Variants in DIAPH1 observed in about 807,000 individuals in gnomAD.
DIAPH1 encodes the protein diaphanous related formin 1.
Under a neutral mutation model 140.7 loss-of-function variants are expected in DIAPH1, and 46 were observed. The ratio of observed to expected loss-of-function variants is 0.33; its 90% CI spans 0.26 to 0.42. DIAPH1 has a LOEUF of 0.42. Among genes scored for constraint, DIAPH1 ranks in the 10% least tolerant of loss-of-function variants. DIAPH1 has a pLI of 1.00. For synonymous variants in DIAPH1, 565 were observed against 551.6 expected (o/e 1.02, Z -0.34); for missense variants, 1,310 against 1,558.7 (o/e 0.84, Z 2.69).
At chr5:141,556,493 T>G (rs551225148) in intron 18 of DIAPH1, among the ~76,000 whole-genome samples, 1 of 152,102 alleles carries the variant, frequency 6.6e-6, no homozygotes, top group Non-Finnish European at 1.5e-5. Flanking sequence ...TCTCAAGACT[T>G]TGGGTAACAG....
At chr5:141,606,282 A>C (rs2099900940) in intron 1 of DIAPH1, among the ~76,000 whole-genome samples, 2 of 152,244 alleles carry the variant, frequency 1.3e-5, no homozygotes, top group South Asian at 4.1e-4. Context: ...ACCTTTCTGT[A>C]GCCATTAAAG....
chr5:141,560,945 G>T (rs1297521379), intron 18 of DIAPH1: 1 of 454,444 alleles, frequency 2.2e-6, no homozygotes, highest in Admixed American at 2.4e-5. Context: ...ATGAGGGGGG[G>T]AAGGGGTGGA....
At chr5:141,534,808 T>C (rs536628866) in intron 18 of DIAPH1, among the ~76,000 whole-genome samples, 3 of 152,310 alleles carry the variant, frequency 2.0e-5, no homozygotes, top group Non-Finnish European at 2.9e-5. Context: ...AGACAATACA[T>C]AAATGAATGG....
At chr5:141,602,203 T>C (rs2099900257) in intron 1 of DIAPH1, among the ~76,000 whole-genome samples, 2 of 152,138 alleles carry the variant, frequency 1.3e-5, no homozygotes, top group African/African-American at 4.8e-5. Context: ...AGGCCTGATC[T>C]AGCTTTGCCA....
At position 141,577,498 on chromosome 5, in the gene DIAPH1, C is replaced by A. The variant is rs371587729; in HGVS notation, c.1257G>T (p.Leu419Phe). Reference protein sequence around the residue: ...HFLSILQHLLLVRNDYEARPQ... With the variant: ...HFLSILQHLLFVRNDYEARPQ... ...ACCTGGCCTCATAGTCATTTCGGAC[C>A]AAGAGTAAGTGCTGCAGGATGGAAA... is the stretch of plus-strand genomic sequence containing the variant. The change falls in exon 12 of 28, where the codon TTG becomes TTT. Residue 419 changes from leucine to phenylalanine, a missense_variant. Coordinates refer to ENST00000389054, the MANE Select transcript of DIAPH1 (RefSeq NM_005219.5). The A allele has an allele frequency of 5.0e-6, 8 of 1,613,292 alleles. No homozygotes were observed. The highest frequency in any genetic ancestry group is 6.8e-6 in the Non-Finnish European group (8 of 1,179,398).
chr5:141,590,345 A>G (rs2099898207), intron 1 of DIAPH1, among the ~76,000 whole-genome samples: 1 of 152,180 alleles, frequency 6.6e-6, no homozygotes, highest in Non-Finnish European at 1.5e-5. Flanking sequence ...CACCCAAACC[A>G]TGAGAATCTT....
At chr5:141,537,658 T>G (rs1243442533) in intron 18 of DIAPH1, among the ~76,000 whole-genome samples, 1 of 151,290 alleles carries the variant, frequency 6.6e-6, no homozygotes, top group Non-Finnish European at 1.5e-5. Flanking sequence ...ATGGAGTAGC[T>G]TCATGTAGAG....
At chr5:141,584,728 G>A (rs1005003818) in intron 3 of DIAPH1, among the ~76,000 whole-genome samples, 6 of 151,928 alleles carry the variant, frequency 3.9e-5, no homozygotes, top group Admixed American at 1.3e-4. Context: ...TGATAAAGCA[G>A]AGGCCCCCTG....
rs2099897668 is a variant in DIAPH1 at position 141,587,125 on chromosome 5, CAGA to C, written c.214_216del (p.Ser72del). 1 of 1,614,012 alleles carries C rather than the reference CAGA, an allele frequency of 6.2e-7. No homozygotes were observed. The highest frequency in any genetic ancestry group is 1.1e-5 in the South Asian group (1 of 91,082). ...GCTGTGGGATCATCCCCATATGATG[CAGA>C]AGAATTTCTATGAGCAGAATTGGGC... is the stretch of plus-strand genomic sequence containing the variant. On this transcript the variant is annotated inframe_deletion, in exon 3 of 28. Transcript: ENST00000389054.
chr5:141,582,441 G>T, intron 6 of DIAPH1, 66 bp from the exon 7 acceptor site: 2 of 1,231,870 alleles, frequency 1.6e-6, no homozygotes, highest in Non-Finnish European at 2.4e-6. Context: ...TTTTAATCTT[G>T]CAAACAAGGT....
intron 1 of DIAPH1, among the ~76,000 whole-genome samples, chr5:141,600,844 A>G (rs1182320519): frequency 6.6e-6 from 1 of 152,204 alleles, no homozygotes; most frequent in Non-Finnish European, 1.5e-5. Context: ...CACAATTCTT[A>G]CACAAAAATA....
chr5:141,573,252 C>G (rs1435031806), intron 16 of DIAPH1, among the ~76,000 whole-genome samples: 2 of 151,586 alleles, frequency 1.3e-5, no homozygotes, highest in African/African-American at 4.9e-5. Flanking sequence ...CTGGCTAACA[C>G]GGTGAAATCC....
chr5:141,521,721 T>C (rs996648430), intron 27 of DIAPH1, among the ~76,000 whole-genome samples: 7 of 152,166 alleles, frequency 4.6e-5, no homozygotes, highest in African/African-American at 1.4e-4. Flanking sequence ...CCAAGAGGAA[T>C]AGTCAGAGAC....
chr5:141,534,604 A>T, intron 18 of DIAPH1, 171 bp from the exon 19 acceptor site: 2 of 620,962 alleles, frequency 3.2e-6, no homozygotes, highest in Non-Finnish European at 2.9e-6. Context: ...TTATTACTGA[A>T]CCTCCCCCAA....
At chr5:141,546,851 T>C (rs2099890881) in intron 18 of DIAPH1, among the ~76,000 whole-genome samples, 1 of 152,172 alleles carries the variant, frequency 6.6e-6, no homozygotes, top group East Asian at 1.9e-4. Context: ...CTGACTGGAT[T>C]AACACAATCA....
chr5:141,551,578 T>G (rs770564274), intron 18 of DIAPH1, among the ~76,000 whole-genome samples: 30 of 152,192 alleles, frequency 2.0e-4, no homozygotes, highest in Non-Finnish European at 3.2e-4. Flanking sequence ...ACAGTTGATT[T>G]GGAATGTGGT....
At chr5:141,523,748 G>C (rs2099886897) in intron 27 of DIAPH1, among the ~76,000 whole-genome samples, 3 of 150,866 alleles carry the variant, frequency 2.0e-5, no homozygotes, top group Admixed American at 2.0e-4. Flanking sequence ...TGCTTGTGAA[G>C]TCCAGAGTAA....
intron 27 of DIAPH1, among the ~76,000 whole-genome samples, chr5:141,521,651 G>T (rs2099886559): frequency 6.6e-6 from 1 of 152,166 alleles, no homozygotes; most frequent in African/African-American, 2.4e-5. Flanking sequence ...TGGAAAAAAG[G>T]AGGGCTATGA....
At chr5:141,520,374 G>A (rs183715978) in intron 27 of DIAPH1, among the ~76,000 whole-genome samples, 15 of 152,294 alleles carry the variant, frequency 9.8e-5, no homozygotes, top group African/African-American at 3.1e-4. Context: ...AATGTTGGAG[G>A]TGGGGCCTAG....
Sources: gnomAD v4.1 joint callset for allele counts (sites outside exome capture counted in the v4.1 genomes callset) on GRCh38, gnomAD v4.1.1 for gene constraint, MANE v1.5 for transcripts, NCBI Gene and HGNC (gene_info 2026-07-23, HGNC 2026-07-21) for gene names.